TTN: variants seen among roughly 807,000 people sequenced by gnomAD.
TTN encodes the protein titin, also known as connectin.
TTN carries 1,525 observed loss-of-function variants against 3,223.0 expected under a neutral mutation model. The observed-to-expected ratio is 0.47, with a 90% CI of 0.45 to 0.49. The LOEUF (loss-of-function observed/expected upper bound fraction) is 0.49, where lower values mean the gene tolerates loss of function less well. TTN is among the 20% of genes least tolerant of loss of function. TTN has a pLI of 0.00. For synonymous variants in TTN, 14,094 were observed against 15,161.0 expected, an observed-to-expected ratio of 0.93 and a Z score of 5.17; for missense variants, 40,786 against 43,424.0, an observed-to-expected ratio of 0.94 and a Z score of 5.40.
intron 163 of TTN, 55 bp downstream of exon 163, chr2:178,666,769 G>A (rs2065997127): frequency 7.0e-7 from 1 of 1,429,978 alleles, no homozygotes; most frequent in East Asian, 2.5e-5. Context: ...TTTTACATGT[G>A]TTAAGTACAA....
chr2:178,565,802 G>C lies in TTN; in HGVS notation c.80330C>G (p.Ala26777Gly). 1 of 1,613,616 alleles carries C rather than the reference G, an allele frequency of 6.2e-7. No homozygotes were observed. Among genetic ancestry groups the C allele is most frequent in the Non-Finnish European group, 8.5e-7 (1 of 1,179,650 alleles). The stretch of plus-strand genomic sequence containing the variant: ...TCCTGGTGGGGAAGGAGGTTCAGCA[G>C]CTTTCACGGCATCAACAGTTTCCAC... The part of the protein sequence containing the change: ...VPVETVDAVK[A>G]AEPPSPPGKV... The change falls in exon 326 of 363, where the codon GCT becomes GGT. Residue 26777 changes from alanine (A) to glycine (G), a missense_variant. Transcript: ENST00000589042.
chr2:178,548,314 C>T lies in TTN; in HGVS notation c.93312G>A (p.Met31104Ile), dbSNP rs745736147. The change falls in exon 339 of 363, where the codon ATG (methionine) becomes ATA (isoleucine). Residue 31104 changes from methionine (M) to isoleucine (I), a missense_variant. Coordinates refer to ENST00000589042, the MANE Select transcript of TTN (RefSeq NM_001267550.2). The surrounding 1 kb of genome is among the most constrained non-coding windows in gnomAD (Gnocchi z 4.3). ...NEYGVGEPYE[M>I]PEPIVATEQP... ...GTTCTGTGGCTACAATTGGTTCTGG[C>T]ATTTCATAGGGCTCACCAACACCAT... 6.2e-7 allele frequency: 1 copy of T among 1,613,800 alleles called. No homozygotes were observed. The highest frequency in any genetic ancestry group is 1.7e-5 in the Admixed American group (1 of 60,006).
In TTN at chr2:178,681,065, G is replaced by A. The variant is rs1336810106; in HGVS notation, c.33340+14C>T. 1 of 1,580,152 alleles carries A rather than the reference G, an allele frequency of 6.3e-7. No homozygotes were observed. The stretch of plus-strand genomic sequence containing the variant: ...ATCAGAAAAGATCACAATCGAGGAA[G>A]GAAATCATTATACCTTTAGCAGCGG... On this transcript the variant is annotated intron_variant, in intron 138 of 362. Transcript: ENST00000589042.
Position 178,688,787 on chromosome 2 carries a change from A to C in TTN, c.32096-9T>G. ...TTTCTTAGAGACTTCAGCTTTAAGA[A>C]AGTGTTAAAGTTGAAGTTTAAAATC... On this transcript the variant is annotated splice_polypyrimidine_tract_variant and intron_variant, in intron 125 of 362. Transcript: ENST00000589042. 6.3e-7 allele frequency: 1 copy of C among 1,577,884 alleles called. No homozygotes were observed. The highest frequency in any genetic ancestry group is 1.4e-5 in the African/African-American group (1 of 74,024).
chr2:178,547,906 A>C lies in TTN; in HGVS notation c.93720T>G (p.Ser31240Arg). The C allele has an allele frequency of 6.2e-7, 1 of 1,613,814 alleles. No homozygotes were observed. The highest frequency in any genetic ancestry group is 8.5e-7 in the Non-Finnish European group (1 of 1,179,826). ...ATGTTACTTTGGGGGCAGGACGACC[A>C]CTGATTGGTACGTCAATGGTAAATG... is the stretch of plus-strand genomic sequence containing the variant. ...GSPFTIDVPI[S>R]GRPAPKVTWK... is the part of the protein sequence containing the mutation. The change falls in exon 339 of 363, where the codon AGT (serine) becomes AGG (arginine). Residue 31240 changes from serine (S) to arginine (R), a missense_variant. By Grantham distance (110) the Ser-to-Arg change is moderately radical (BLOSUM62 -1). Transcript: ENST00000589042.
In TTN at chr2:178,535,693, T is replaced by C. The variant is rs759457802; in HGVS notation, c.100922A>G (p.His33641Arg). ...GGATCTTGTGACAATAACTTGGTAG[T>C]GGCCATTATTGTCAATGAGATCTTG... Reference protein sequence around the residue: ...KGQDLIDNNGHYQVIVTRSFT... With the variant: ...KGQDLIDNNGRYQVIVTRSFT... The change falls in exon 358 of 363, where the codon CAC becomes CGC. Residue 33641 changes from histidine to arginine, a missense_variant. Transcript: ENST00000589042. 1.2e-6 allele frequency: 2 copies of C among 1,613,828 alleles called. No individual in the cohort carries two copies. Among genetic ancestry groups the C allele is most frequent in the East Asian group, 4.5e-5 (2 of 44,872 alleles).
chr2:178,683,317 G>T, intron 133 of TTN, 26 bp from the exon 134 acceptor site: 2 of 1,368,840 alleles, frequency 1.5e-6, no homozygotes, highest in South Asian at 2.8e-5. Flanking sequence ...TATTAAAAGT[G>T]AATTGCAAGA....
Position 178,774,202 on chromosome 2 carries a change from C to A in TTN, c.7057+5G>T, listed in dbSNP as rs2091930463. 11 of 1,614,026 alleles carry A rather than the reference C, an allele frequency of 6.8e-6. No homozygotes were observed. The highest frequency in any genetic ancestry group is 4.4e-5 in the South Asian group (4 of 91,076). On this transcript the variant is annotated splice_donor_5th_base_variant and intron_variant, in intron 30 of 362. Coordinates refer to ENST00000589042, the MANE Select transcript of TTN (RefSeq NM_001267550.2). ...CTGCAGGCTGACAGGAATGGGAGGA[C>A]TTACGTTTCATCTTTAATTTACAGG...
At chr2:178,716,295 T>C (rs1470932975) in intron 88 of TTN, among the ~76,000 whole-genome samples, 1 of 152,146 alleles carries the variant, frequency 6.6e-6, no homozygotes, top group Non-Finnish European at 1.5e-5. Context: ...TCCTCAACCT[T>C]CATAATTTTC....
chr2:178,618,478 T>C lies in TTN; in HGVS notation c.46980A>G (p.Pro15660=). The C allele has an allele frequency of 6.2e-7, 1 of 1,611,894 alleles. No individual in the cohort carries two copies. Among genetic ancestry groups the C allele is most frequent in the Non-Finnish European group, 8.5e-7 (1 of 1,178,968 alleles). The change falls in exon 252 of 363, where the codon CCA becomes CCG. Residue 15660 remains proline (P), a synonymous_variant. Transcript: ENST00000589042. ...TTTCTGTCACTTCTAAGTTACGTAC[T>C]GGCCCAGGAACATCTGAAATTCACA... ...INLKVIDVPG[P]VRNLEVTETF... is the part of the protein sequence containing the mutation.
At position 178,723,638 on chromosome 2, in the gene TTN, T is replaced by G. The variant is rs2078823939; in HGVS notation, c.21462A>C (p.Val7154=). 1 of 1,610,710 alleles carries G rather than the reference T, an allele frequency of 6.2e-7. No individual in the cohort carries two copies. The highest frequency in any genetic ancestry group is 8.5e-7 in the Non-Finnish European group (1 of 1,178,418). The change falls in exon 74 of 363, where the codon GTA becomes GTC. Residue 7154 remains valine, a synonymous_variant. Transcript: ENST00000589042. Reference sequence around the variant, plus strand: ...TTCCTCTAATAACGCTTGTGAAGGTTACATTTTTGCCTGGTAGTACTTCCA... The same window carrying G: ...TTCCTCTAATAACGCTTGTGAAGGTGACATTTTTGCCTGGTAGTACTTCCA... ...EPLEVLPGKN[V]TFTSVIRGTP... is the part of the protein sequence containing the mutation.
Position 178,555,053 on chromosome 2 carries a change from G to A in TTN, c.88406C>T (p.Ala29469Val), listed in dbSNP as rs397517740. Residue 29469 changes from alanine (A) to valine (V), a missense_variant, in exon 331 of 363, where the codon GCG (alanine) becomes GTG (valine). Ala to Val is a moderately conservative substitution (Grantham distance 64). Coordinates refer to ENST00000589042, the MANE Select transcript of TTN (RefSeq NM_001267550.2). Reference sequence around the variant, plus strand: ...ATCTTTATACCACTCAATAGTAGGCGCAGGTTTGCCAGAAATGCCAGCTCT... The same window carrying A: ...ATCTTTATACCACTCAATAGTAGGCACAGGTTTGCCAGAAATGCCAGCTCT... ...KLRAGISGKP[A>V]PTIEWYKDDK... 5.3e-5 allele frequency: 86 copies of A among 1,613,608 alleles called. No homozygotes were observed. The East Asian group carries it at 9.8e-4, about 18-fold the overall frequency.
chr2:178,611,920 G>A lies in TTN; in HGVS notation c.50389C>T (p.Arg16797Cys), dbSNP rs1015961035. The A allele has an allele frequency of 5.6e-6, 9 of 1,612,432 alleles. No individual in the cohort carries two copies. The highest frequency in any genetic ancestry group is 1.3e-5 in the African/African-American group (1 of 74,942). Residue 16797 changes from arginine (R) to cysteine (C), a missense_variant, in exon 268 of 363, where the codon CGT becomes TGT. Transcript: ENST00000589042. ...GCAGTCTTTCCAGCTTTCACCCAACGGGTACCTAACCTTTCTTTCTTCTCA... is the reference window on the plus strand; with the variant it reads ...GCAGTCTTTCCAGCTTTCACCCAACAGGTACCTAACCTTTCTTTCTTCTCA... ...VIEKKERLGT[R>C]WVKAGKTAGP...
In TTN at chr2:178,677,286, C is replaced by T. The variant is rs1232810229; in HGVS notation, c.34293G>A (p.Val11431=). Residue 11431 remains valine (V), a splice_region_variant and synonymous_variant, in exon 147 of 363, where the codon GTG becomes GTA. Coordinates refer to ENST00000589042, the MANE Select transcript of TTN (RefSeq NM_001267550.2). ...VKPKVPVPAP[V]PEVPKKPVPE... ...GTACAGGTTTCTTTGGCACTTCAGG[C>T]ACTTAAAAACATTTCATTTGAAGGC... The T allele has an allele frequency of 2.5e-6, 3 of 1,190,204 alleles. No individual in the cohort carries two copies. The highest frequency in any genetic ancestry group is 3.1e-6 in the Non-Finnish European group (3 of 969,896). The allele number at this position is 1,190,204 out of a possible 1,614,324, so 73.7% of individuals were successfully genotyped here.
chr2:178,575,285 G>T lies in TTN; in HGVS notation c.70847C>A (p.Pro23616His). ...MAVNSAGRSAPRESRPVIVKE... is the reference protein window; with the variant it reads ...MAVNSAGRSAHRESRPVIVKE... ...GACAATGACGGGTCTGCTTTCTCTA[G>T]GGGCACTTCTCCCCGCGCTGTTCAC... Residue 23616 changes from proline (P) to histidine (H), a missense_variant, in exon 326 of 363, where the codon CCT (proline) becomes CAT (histidine). Pro to His is a moderately conservative substitution (Grantham distance 77, BLOSUM62 -2). Transcript: ENST00000589042. The surrounding 1 kb of genome is among the most constrained non-coding windows in gnomAD (Gnocchi z 4.0). 6.2e-7 allele frequency: 1 copy of T among 1,613,332 alleles called. No individual in the cohort carries two copies. Among genetic ancestry groups the T allele is most frequent in the Non-Finnish European group, 8.5e-7 (1 of 1,179,592 alleles).
chr2:178,597,496 T>A, intron 294 of TTN, 42 bp downstream of exon 294: 5 of 1,572,896 alleles, frequency 3.2e-6, no homozygotes, highest in Non-Finnish European at 4.3e-6. Context: ...ATAATAAGAA[T>A]GTTGGTTTAA....
chr2:178,698,928 AAAAGAAAAAAAAAG>A lies in TTN; in HGVS notation c.30683-28_30683-15del, dbSNP rs761485138. 559 of 1,492,596 alleles carry A rather than the reference AAAAGAAAAAAAAAG, an allele frequency of 3.7e-4. 1 individual carries two copies. In the South Asian group the frequency reaches 4.7e-3, roughly 13 times the overall value. 92.5% of individuals were successfully genotyped at this position (1,492,596 alleles called of 1,614,324 possible). A position where few individuals can be genotyped will look rare whatever the true frequency, so the allele number is the denominator to read the frequency against. On this transcript the variant is annotated splice_polypyrimidine_tract_variant and intron_variant, in intron 111 of 362. Coordinates refer to ENST00000589042, the MANE Select transcript of TTN (RefSeq NM_001267550.2). ...CCTTTTTGGTAACTAAAAAAAAAAAAAAAGAAAAAAAAAGAAAAAATATTTCTGGTGTAAGTAAC... is the reference window on the plus strand; with the variant it reads ...CCTTTTTGGTAACTAAAAAAAAAAAAAAAAAATATTTCTGGTGTAAGTAAC...
rs773537655 is a variant in TTN at position 178,552,715 on chromosome 2, A to G, written c.90185T>C (p.Ile30062Thr). 5 of 1,613,818 alleles carry G rather than the reference A, an allele frequency of 3.1e-6. No individual in the cohort carries two copies. In the African/African-American group the frequency reaches 4.0e-5, roughly 13 times the overall value. Residue 30062 changes from isoleucine (I) to threonine (T), a missense_variant, in exon 335 of 363, where the codon ATC (isoleucine) becomes ACC (threonine). Coordinates refer to ENST00000589042, the MANE Select transcript of TTN (RefSeq NM_001267550.2). ...TTTCCTTTCTACAACATATTCTGTG[A>G]TGACGCTACCACCATCAAAGTCAGG... ...TKPDFDGGSVITEYVVERKGK... is the reference protein window; with the variant it reads ...TKPDFDGGSVTTEYVVERKGK...
In TTN at chr2:178,790,100, T is replaced by C. The variant is rs397517498; in HGVS notation, c.1816A>G (p.Arg606Gly). Residue 606 changes from arginine to glycine, a missense_variant, in exon 12 of 363, where the codon AGG (arginine) becomes GGG (glycine). Arg to Gly is a moderately radical substitution (Grantham distance 125). Transcript: ENST00000589042. ...ATGACTTTAGGTACAACTGTTTTCC[T>C]AGTTTCCTTCATTATCTGATCATAC... is the stretch of plus-strand genomic sequence containing the variant. ...LSYEKIMKET[R>G]KTVVPKVIVA... is the part of the protein sequence containing the mutation. The C allele has an allele frequency of 2.5e-6, 4 of 1,612,710 alleles. No homozygotes were observed. The African/African-American group carries it at 4.0e-5, about 16-fold the overall frequency.
Sources: allele counts gnomAD v4.1 joint callset (sites outside exome capture counted in the v4.1 genomes callset), GRCh38; gene constraint gnomAD v4.1.1; non-coding constraint Gnocchi (gnomAD v3.1); transcripts MANE v1.5; gene names NCBI Gene and HGNC (gene_info 2026-07-23, HGNC 2026-07-21).